CLIP2: variants seen among roughly 807,000 people sequenced by gnomAD.
CLIP2 encodes the protein CAP-Gly domain-containing linker protein 2.
A neutral mutation model predicts 111.7 loss-of-function variants in CLIP2; 41 were observed. The ratio of observed to expected loss-of-function variants is 0.37; its 90% CI spans 0.29 to 0.48. The LOEUF (loss-of-function observed/expected upper bound fraction) is 0.48. CLIP2 is among the 20% of genes least tolerant of loss of function. The pLI, the probability that CLIP2 is intolerant of heterozygous loss-of-function variation, is 0.99. For missense variants in CLIP2, 1,160 were observed against 1,422.1 expected (o/e 0.82, Z 2.96); for synonymous variants, 660 against 644.2 (o/e 1.02, Z -0.37).
intron 4 of CLIP2, among the ~76,000 whole-genome samples, chr7:74,354,875 T>C (rs1219957913): frequency 6.6e-6 from 1 of 152,184 alleles, no homozygotes; most frequent in Non-Finnish European, 1.5e-5. Flanking sequence ...AATCAGACAA[T>C]GCCCAGCGCT....
chr7:74,327,714 G>A (rs1789155238), intron 2 of CLIP2, among the ~76,000 whole-genome samples: 1 of 152,152 alleles, frequency 6.6e-6, no homozygotes, highest in South Asian at 2.1e-4. Context: ...CCGCTCTTCT[G>A]TGGCTGGTGG....
chr7:74,390,172 A>G (rs1176210294), intron 13 of CLIP2, among the ~76,000 whole-genome samples: 1 of 43,900 alleles, frequency 2.3e-5, no homozygotes, highest in East Asian at 5.6e-4. Context: ...GAAGAAAGAA[A>G]GAAAGAAAGA....
At chr7:74,290,873 A>G (rs1554725270) in intron 1 of CLIP2, among the ~76,000 whole-genome samples, 1 of 152,088 alleles carries the variant, frequency 6.6e-6, no homozygotes, top group African/African-American at 2.4e-5. Context: ...CGGTGTCCCC[A>G]AAAAGTGCAG....
chr7:74,313,682 C>T (rs1399446485), intron 1 of CLIP2, among the ~76,000 whole-genome samples: 1 of 132,278 alleles, frequency 7.6e-6, no homozygotes, highest in Non-Finnish European at 1.7e-5. Flanking sequence ...CTCTCCCATG[C>T]GGTAACCAGG....
chr7:74,376,195 G>A lies in CLIP2; in HGVS notation c.1794G>A (p.Lys598=). The A allele has an allele frequency of 6.2e-7, 1 of 1,612,456 alleles. No homozygotes were observed. Among genetic ancestry groups the A allele is most frequent in the East Asian group, 2.2e-5 (1 of 44,842 alleles). ...AGGAGGTGGCGGGCCTGAAGGACAA[G>A]GTTCAGCAGGCCACCAGCGAGAACA... The part of the protein sequence containing the change: ...YAQEVAGLKD[K]VQQATSENMG... Residue 598 remains lysine (K), a synonymous_variant, in exon 10 of 17, where the codon AAG becomes AAA. Coordinates refer to ENST00000223398, the MANE Select transcript of CLIP2 (RefSeq NM_003388.5). The surrounding 1 kb of genome is among the most constrained non-coding windows in gnomAD (Gnocchi z 7.1).
intron 1 of CLIP2, among the ~76,000 whole-genome samples, chr7:74,316,859 G>A (rs1411912613): frequency 1.5e-4 from 22 of 151,724 alleles, no homozygotes; most frequent in Admixed American, 1.4e-3. Flanking sequence ...ACTGCACCTG[G>A]CCCCTTTTAG....
In CLIP2 at chr7:74,338,956, C is replaced by G; in HGVS notation, c.630C>G (p.Gly210=). ...CGGGATCCAACCTCTCAGACAGCGG[C>G]TCTGTGAAGCGGGGCGAAAAGGACC... is the stretch of plus-strand genomic sequence containing the variant. ...NESGSNLSDS[G]SVKRGEKDLR... is the part of the protein sequence containing the mutation. The change falls in exon 3 of 17, where the codon GGC becomes GGG. Residue 210 remains glycine, a synonymous_variant. Coordinates refer to ENST00000223398, the MANE Select transcript of CLIP2 (RefSeq NM_003388.5). This position sits in a 1 kb window ranked among gnomAD's most constrained non-coding sequence, Gnocchi z 4.3. The G allele has an allele frequency of 6.3e-7, 1 of 1,599,566 alleles. No homozygotes were observed. The highest frequency in any genetic ancestry group is 8.5e-7 in the Non-Finnish European group (1 of 1,179,854).
Position 74,338,976 on chromosome 7 carries a change from A to T in CLIP2, c.650A>T (p.Lys217Met). 1.9e-6 allele frequency: 3 copies of T among 1,598,608 alleles called. No individual in the cohort carries two copies. The South Asian group carries it at 3.3e-5, about 18-fold the overall frequency. Residue 217 changes from lysine to methionine, a missense_variant, in exon 3 of 17, where the codon AAG (lysine) becomes ATG (methionine). Physicochemically the swap from Lys to Met is moderately conservative, Grantham distance 95. Around this residue, in one of 5 missense-constraint regions of CLIP2, gnomAD observed 301 missense variants for 315.2 expected, o/e 0.96. Coordinates refer to ENST00000223398, the MANE Select transcript of CLIP2 (RefSeq NM_003388.5). This position sits in a 1 kb window ranked among gnomAD's most constrained non-coding sequence, Gnocchi z 4.3. The part of the protein sequence containing the change: ...SDSGSVKRGE[K>M]DLRLGDRVLV... The stretch of plus-strand genomic sequence containing the variant: ...AGCGGCTCTGTGAAGCGGGGCGAAA[A>T]GGACCTGCGCCTGGGGGACCGCGTG...
intron 2 of CLIP2, among the ~76,000 whole-genome samples, chr7:74,334,688 G>A (rs1026838448): frequency 2.6e-5 from 4 of 152,020 alleles, no homozygotes; most frequent in Non-Finnish European, 5.9e-5. Flanking sequence ...TGGTCAAGAG[G>A]GAGGGTTCTG....
chr7:74,311,258 C>T (rs1462017911), intron 1 of CLIP2, among the ~76,000 whole-genome samples: 3 of 152,266 alleles, frequency 2.0e-5, no homozygotes, highest in African/African-American at 7.2e-5. Flanking sequence ...GGATTACAGG[C>T]ATGAGCCACT....
chr7:74,300,527 C>G (rs1429039154), intron 1 of CLIP2, among the ~76,000 whole-genome samples: 1 of 150,768 alleles, frequency 6.6e-6, no homozygotes, highest in Non-Finnish European at 1.5e-5. Flanking sequence ...GCCATCTCGG[C>G]TCATTGCAAA....
At chr7:74,312,712 G>A (rs782367230) in intron 1 of CLIP2, among the ~76,000 whole-genome samples, 17 of 152,252 alleles carry the variant, frequency 1.1e-4, no homozygotes, top group South Asian at 2.1e-4. Flanking sequence ...CACCAGGGGC[G>A]TTGGAATGTT....
At chr7:74,311,356 C>T (rs1375032030) in intron 1 of CLIP2, among the ~76,000 whole-genome samples, 2 of 152,154 alleles carry the variant, frequency 1.3e-5, no homozygotes, top group African/African-American at 2.4e-5. Context: ...ACCAACACTA[C>T]GAGCATTTCA....
rs3044358 is a variant in CLIP2, at chr7:74,339,298, C to CTTATTTATTTATTTAT, written c.678+301_678+316dup. Among the ~76,000 whole-genome samples, 956 of 150,342 alleles carry CTTATTTATTTATTTAT rather than the reference C, an allele frequency of 6.4e-3. 18 individuals carry two copies. The highest frequency in any genetic ancestry group is 0.04 in the East Asian group (204 of 5,108). On this transcript the variant is annotated intron_variant, in intron 3 of 16. Coordinates refer to ENST00000223398, the MANE Select transcript of CLIP2 (RefSeq NM_003388.5). The stretch of plus-strand genomic sequence containing the variant: ...GATATTTATTTATTTACTTATTTTA[C>CTTATTTATTTATTTAT]TTATTTATTTATTTATTTATTTTTG...
Position 74,356,514 on chromosome 7 carries a change from G to C in CLIP2, c.908G>C (p.Arg303Pro). ...CCAGCCAAGGCCAAGAAGACCAAGC[G>C]TATGGCCATGGGTGTGTCAGCACTG... The part of the protein sequence containing the change: ...TSPAKAKKTK[R>P]MAMGVSALTH... Residue 303 changes from arginine (R) to proline (P), a missense_variant, in exon 5 of 17, where the codon CGT (arginine) becomes CCT (proline). This residue lies in a region of CLIP2 where 110 missense variants were observed against 185.2 expected (regional missense o/e 0.59). Coordinates refer to ENST00000223398, the MANE Select transcript of CLIP2 (RefSeq NM_003388.5). The C allele has an allele frequency of 6.2e-7, 1 of 1,614,198 alleles. No individual in the cohort carries two copies. Among genetic ancestry groups the C allele is most frequent in the Non-Finnish European group, 8.5e-7 (1 of 1,180,042 alleles).
intron 1 of CLIP2, among the ~76,000 whole-genome samples, chr7:74,305,152 T>TGTCCAGCCCACGCACTGTGCC (rs1554727575): frequency 6.7e-6 from 1 of 149,554 alleles, no homozygotes; most frequent in Non-Finnish European, 1.5e-5. Flanking sequence ...TTACGTTCCC[T>TGTCCAGCCCACGCACTGTGCC]GTCCAGCCCA....
rs377384624 is a variant in CLIP2, at chr7:74,392,133, C to G, written c.2720+2874C>G. Reference sequence around the variant, plus strand: ...TTGGGAGGCCGAGGCAGGCAGATCACGAGGTCAGGAGATCGAGACCATCCT... The same window carrying G: ...TTGGGAGGCCGAGGCAGGCAGATCAGGAGGTCAGGAGATCGAGACCATCCT... On this transcript the variant is annotated intron_variant, in intron 13 of 16. Transcript: ENST00000223398. Among the ~76,000 whole-genome samples, 41 of 151,022 alleles carry G rather than the reference C, an allele frequency of 2.7e-4. 1 individual carries two copies. In the South Asian group the frequency reaches 7.8e-3, roughly 29 times the overall value.
intron 7 of CLIP2, among the ~76,000 whole-genome samples, chr7:74,361,176 T>C (rs148131475): frequency 6.3e-4 from 39 of 62,088 alleles, no homozygotes; most frequent in South Asian, 1.6e-3. Context: ...CCCTCCCTTC[T>C]TTCCTTCCTT....
chr7:74,361,737 C>T (rs1255575639), intron 7 of CLIP2, among the ~76,000 whole-genome samples: 1 of 152,168 alleles, frequency 6.6e-6, no homozygotes, highest in African/African-American at 2.4e-5. Context: ...TTAAGAGAAA[C>T]AGCAGCCAAG....
Sources: allele counts gnomAD v4.1 joint callset (sites outside exome capture counted in the v4.1 genomes callset), GRCh38; gene constraint gnomAD v4.1.1; regional missense constraint gnomAD v4.1.1; non-coding constraint Gnocchi (gnomAD v3.1); transcripts MANE v1.5; gene names NCBI Gene and HGNC (gene_info 2026-07-23, HGNC 2026-07-21).